The following CHCHD3 variants were observed in gnomAD, a reference collection of about 807,000 sequenced individuals.
CHCHD3 encodes the protein MICOS complex subunit MIC19.
Under a neutral mutation model 38.2 loss-of-function variants are expected in CHCHD3, and 20 were observed. That is an observed-to-expected ratio of 0.52 (90% CI 0.37 to 0.76). CHCHD3 has a LOEUF of 0.76. Among genes scored for constraint, CHCHD3 ranks in the 30% least tolerant of loss-of-function variants. The pLI is 0.00. For synonymous variants in CHCHD3, 82 were observed against 100.0 expected (o/e 0.82, Z 1.07); for missense variants, 245 against 279.2 (o/e 0.88, Z 0.87).
At chr7:132,873,549 G>T (rs1392382595) in intron 5 of CHCHD3, among the ~76,000 whole-genome samples, 3 of 151,810 alleles carry the variant, frequency 2.0e-5, no homozygotes, top group Non-Finnish European at 4.4e-5. Context: ...GAATAGCTGG[G>T]ACTACAGGCG....
chr7:132,984,734 A>C (rs1362205840), intron 3 of CHCHD3, among the ~76,000 whole-genome samples: 1 of 134,946 alleles, frequency 7.4e-6, no homozygotes, highest in Non-Finnish European at 1.6e-5. Flanking sequence ...AAGTGAGGAG[A>C]CCCTCTGCCT....
intron 3 of CHCHD3, among the ~76,000 whole-genome samples, chr7:132,982,706 C>T (rs1048573194): frequency 4.6e-5 from 7 of 152,120 alleles, no homozygotes; most frequent in Non-Finnish European, 7.4e-5. Context: ...TCACAACAAC[C>T]CTATTAAATC....
At chr7:132,806,890 A>G (rs1806934177) in intron 6 of CHCHD3, among the ~76,000 whole-genome samples, 1 of 152,204 alleles carries the variant, frequency 6.6e-6, no homozygotes, top group South Asian at 2.1e-4. Context: ...AGAAAGACAA[A>G]GAAGGGCAGG....
chr7:133,056,011 G>C (rs187443809), intron 2 of CHCHD3, among the ~76,000 whole-genome samples: 85 of 152,048 alleles, frequency 5.6e-4, no homozygotes, highest in African/African-American at 1.9e-3. Flanking sequence ...CAAATGTGGT[G>C]GTGGCACACA....
At chr7:132,974,283 C>T (rs936635314) in intron 4 of CHCHD3, among the ~76,000 whole-genome samples, 1 of 152,112 alleles carries the variant, frequency 6.6e-6, no homozygotes, top group Non-Finnish European at 1.5e-5. Flanking sequence ...GTCTTTTAAA[C>T]CTTCTTCTGT....
intron 2 of CHCHD3, among the ~76,000 whole-genome samples, chr7:133,050,439 A>G (rs984455493): frequency 1.3e-5 from 2 of 151,498 alleles, no homozygotes; most frequent in African/African-American, 4.9e-5. Context: ...ACACTTTTTA[A>G]CAACTGCTAC....
At position 132,798,395 on chromosome 7, in the gene CHCHD3, A is replaced by G. The variant is rs146476833; in HGVS notation, c.525-1818T>C. ...TGGACACAGATTTCCCTAATCCTTTACCACGAACATCAGGATTTAAAAGGA... is the reference window on the plus strand; with the variant it reads ...TGGACACAGATTTCCCTAATCCTTTGCCACGAACATCAGGATTTAAAAGGA... On this transcript the variant is annotated intron_variant, in intron 6 of 7. Coordinates refer to ENST00000262570, the MANE Select transcript of CHCHD3 (RefSeq NM_017812.4). Among the ~76,000 whole-genome samples, 151 of 152,302 alleles carry G rather than the reference A, an allele frequency of 9.9e-4. No homozygotes were observed. In the East Asian group the frequency reaches 0.025, roughly 25 times the overall value.
At chr7:133,067,578 G>A (rs1411088373) in intron 2 of CHCHD3, among the ~76,000 whole-genome samples, 1 of 152,222 alleles carries the variant, frequency 6.6e-6, no homozygotes, top group East Asian at 1.9e-4. Flanking sequence ...TGTGCTCACT[G>A]TATGCAGTGG....
chr7:132,940,815 A>G (rs1193733836), intron 4 of CHCHD3, among the ~76,000 whole-genome samples: 1 of 152,168 alleles, frequency 6.6e-6, no homozygotes, highest in Non-Finnish European at 1.5e-5. Context: ...CATCAGGTGG[A>G]AAGTACATGG....
chr7:132,998,496 A>ACAGGATCACACCACT (rs1812484019), intron 3 of CHCHD3, among the ~76,000 whole-genome samples: 2 of 152,162 alleles, frequency 1.3e-5, no homozygotes, highest in African/African-American at 4.8e-5. Context: ...ATCAGTATTC[A>ACAGGATCACACCACT]CAGGATCACA....
intron 4 of CHCHD3, among the ~76,000 whole-genome samples, chr7:132,931,400 G>T (rs1035533729): frequency 2.6e-5 from 4 of 152,154 alleles, no homozygotes; most frequent in Admixed American, 6.5e-5. Context: ...AAGAAAAATT[G>T]CTATAAATGA....
chr7:133,043,645 CA>C (rs765611377), intron 2 of CHCHD3, among the ~76,000 whole-genome samples: 1,906 of 99,028 alleles, frequency 0.019, 23 homozygotes, highest in African/African-American at 0.052. Context: ...GACTCCATCT[CA>C]AAAAAAAAAA....
intron 4 of CHCHD3, among the ~76,000 whole-genome samples, chr7:132,941,845 G>T (rs1034075844): frequency 6.6e-6 from 1 of 152,162 alleles, no homozygotes; most frequent in Admixed American, 6.6e-5. Flanking sequence ...GGGTCTGCCA[G>T]TCCTGATTAA....
At chr7:132,901,417 GAAGA>G (rs2117203287) in intron 4 of CHCHD3, among the ~76,000 whole-genome samples, 1 of 152,314 alleles carries the variant, frequency 6.6e-6, no homozygotes, top group East Asian at 1.9e-4. Context: ...GGAGGTGACT[GAAGA>G]GAGACATGCC....
At chr7:133,034,756 C>A (rs747413670) in intron 2 of CHCHD3, 8 of 1,613,648 alleles carry the variant, frequency 5.0e-6, no homozygotes, top group Non-Finnish European at 6.8e-6. Flanking sequence ...ACCTGCCAAT[C>A]TGGACTCAGC....
chr7:133,052,863 C>A (rs760582834), intron 2 of CHCHD3, among the ~76,000 whole-genome samples: 1 of 152,138 alleles, frequency 6.6e-6, no homozygotes, highest in Non-Finnish European at 1.5e-5. Flanking sequence ...TTTGTATATT[C>A]GTCATTAAAA....
intron 5 of CHCHD3, among the ~76,000 whole-genome samples, chr7:132,866,193 C>T (rs1162555716): frequency 6.6e-6 from 1 of 152,160 alleles, no homozygotes; most frequent in Non-Finnish European, 1.5e-5. Context: ...CCACTCAGCC[C>T]CTTTCTGGCT....
intron 3 of CHCHD3, among the ~76,000 whole-genome samples, chr7:132,989,030 T>C (rs745351372): frequency 2.0e-5 from 3 of 152,186 alleles, no homozygotes; most frequent in Non-Finnish European, 2.9e-5. Context: ...TGTAAGTACA[T>C]CTAGAGATGA....
Position 132,955,391 on chromosome 7 carries a change from A to G in CHCHD3, c.369+19778T>C, listed in dbSNP as rs78713244. On this transcript the variant is annotated intron_variant, in intron 4 of 7. Coordinates refer to ENST00000262570, the MANE Select transcript of CHCHD3 (RefSeq NM_017812.4). ...CTACATCATTTGCAATGCAGGGCAA[A>G]AAGTACTTGTTAGTTTTTTTCATCT... is the stretch of plus-strand genomic sequence containing the variant. Among the ~76,000 whole-genome samples, 1,121 of 152,224 alleles carry G rather than the reference A, an allele frequency of 7.4e-3. 13 individuals carry two copies. The highest frequency in any genetic ancestry group is 0.026 in the African/African-American group (1,100 of 41,526).
Sources: gnomAD v4.1 joint callset for allele counts (sites outside exome capture counted in the v4.1 genomes callset) on GRCh38, gnomAD v4.1.1 for gene constraint, MANE v1.5 for transcripts, NCBI Gene and HGNC (gene_info 2026-07-23, HGNC 2026-07-21) for gene names.